Variants in ADGRB3 observed in about 807,000 individuals in gnomAD.
ADGRB3 encodes adhesion G protein-coupled receptor B3.
A neutral mutation model predicts 193.4 loss-of-function variants in ADGRB3; 37 were observed. That is an observed-to-expected ratio of 0.19 (90% CI 0.15 to 0.25). The LOEUF is 0.25. Among genes scored for constraint, ADGRB3 ranks in the 10% least tolerant of loss-of-function variants. ADGRB3 has a pLI of 1.00. For synonymous variants in ADGRB3, 690 were observed against 644.2 expected, an observed-to-expected ratio of 1.07 and a Z score of -1.08; for missense variants, 1,637 against 1,852.9, an observed-to-expected ratio of 0.88 and a Z score of 2.14.
chr6:69,088,546 G>A (rs909192187), intron 17 of ADGRB3, among the ~76,000 whole-genome samples: 1 of 152,010 alleles, frequency 6.6e-6, no homozygotes, highest in Non-Finnish European at 1.5e-5. Flanking sequence ...CTAATTTTTT[G>A]TATTATTAGT....
chr6:69,366,171 A>G (rs1769563087), intron 29 of ADGRB3, among the ~76,000 whole-genome samples: 1 of 151,940 alleles, frequency 6.6e-6, no homozygotes, highest in Non-Finnish European at 1.5e-5. Flanking sequence ...TGAAAGGAAA[A>G]CTTGCCCTTT....
At chr6:69,380,032 G>A (rs1769915000) in intron 30 of ADGRB3, among the ~76,000 whole-genome samples, 1 of 151,856 alleles carries the variant, frequency 6.6e-6, no homozygotes, top group Non-Finnish European at 1.5e-5. Flanking sequence ...ATACTTTTTA[G>A]ACTTTCATAG....
chr6:69,378,323 T>G (rs1175965693), intron 30 of ADGRB3, among the ~76,000 whole-genome samples: 1 of 152,010 alleles, frequency 6.6e-6, no homozygotes, highest in Non-Finnish European at 1.5e-5. Flanking sequence ...CAAACCTGAA[T>G]AGTCTAAAGA....
chr6:68,902,112 A>C (rs1310160083), intron 3 of ADGRB3, among the ~76,000 whole-genome samples: 1 of 152,118 alleles, frequency 6.6e-6, no homozygotes, highest in African/African-American at 2.4e-5. Context: ...TGGTGTATAG[A>C]ATGCACAATT....
At chr6:69,175,363 C>T (rs1388368079) in intron 17 of ADGRB3, among the ~76,000 whole-genome samples, 1 of 151,974 alleles carries the variant, frequency 6.6e-6, no homozygotes, top group African/African-American at 2.4e-5. Flanking sequence ...ATATGGCTAA[C>T]CAGCCATCCC....
At chr6:69,115,929 A>G (rs904759369) in intron 17 of ADGRB3, among the ~76,000 whole-genome samples, 13 of 152,218 alleles carry the variant, frequency 8.5e-5, no homozygotes, top group Non-Finnish European at 2.9e-5. Flanking sequence ...CTAGAGAGAG[A>G]GGGAAAGACA....
intron 3 of ADGRB3, among the ~76,000 whole-genome samples, chr6:68,761,408 A>G (rs1184108182): frequency 6.6e-6 from 1 of 151,510 alleles, no homozygotes; most frequent in Non-Finnish European, 1.5e-5. Context: ...GTGACTAGTT[A>G]ATTCCATGGT....
chr6:69,288,539 T>C (rs1582606971), intron 20 of ADGRB3, among the ~76,000 whole-genome samples: 1 of 152,178 alleles, frequency 6.6e-6, no homozygotes, highest in South Asian at 2.1e-4. Context: ...GTCCTTCAAG[T>C]TTATTGCTTA....
chr6:69,080,017 C>A (rs184454663), intron 17 of ADGRB3, among the ~76,000 whole-genome samples: 12 of 152,144 alleles, frequency 7.9e-5, no homozygotes, highest in Admixed American at 7.2e-4. Flanking sequence ...CTGACACTGG[C>A]TTGTTTTCTC....
chr6:69,095,863 A>G (rs987989139), intron 17 of ADGRB3, among the ~76,000 whole-genome samples: 2 of 152,240 alleles, frequency 1.3e-5, no homozygotes, highest in African/African-American at 4.8e-5. Flanking sequence ...TGTATTGCAT[A>G]TGAAATTTCT....
intron 3 of ADGRB3, among the ~76,000 whole-genome samples, chr6:68,834,094 A>T (rs2127384932): frequency 6.9e-6 from 1 of 145,594 alleles, no homozygotes; most frequent in East Asian, 1.9e-4. Flanking sequence ...TTTATAAATC[A>T]ACATAATTGT....
chr6:69,062,403 C>T (rs1054762725), intron 15 of ADGRB3, among the ~76,000 whole-genome samples: 1 of 151,654 alleles, frequency 6.6e-6, no homozygotes, highest in Non-Finnish European at 1.5e-5. Context: ...TCTCTATTGT[C>T]GAAATAAATT....
chr6:68,957,476 G>GA lies in ADGRB3; in HGVS notation c.1525+672dup, dbSNP rs1370863749. On this transcript the variant is annotated intron_variant, in intron 8 of 31. Transcript: ENST00000370598. ...TCAGGATTTTAGAATGAGATCCTAA[G>GA]AAAAATATTATAAGTATACTAAAGA... Among the ~76,000 whole-genome samples, 3 of 152,132 alleles carry GA rather than the reference G, an allele frequency of 2.0e-5. No individual in the cohort carries two copies. The East Asian group carries it at 5.8e-4, about 29-fold the overall frequency.
At chr6:68,957,421 C>T (rs974727079) in intron 8 of ADGRB3, among the ~76,000 whole-genome samples, 1 of 152,148 alleles carries the variant, frequency 6.6e-6, no homozygotes, top group Non-Finnish European at 1.5e-5. Flanking sequence ...ATATTATTGA[C>T]ACACTGAGGA....
chr6:68,864,660 A>G (rs529197100), intron 3 of ADGRB3, among the ~76,000 whole-genome samples: 1 of 152,306 alleles, frequency 6.6e-6, no homozygotes, highest in East Asian at 1.9e-4. Flanking sequence ...CTGCTAATTG[A>G]TACTAATTAC....
At chr6:69,086,444 C>G (rs1011669138) in intron 17 of ADGRB3, among the ~76,000 whole-genome samples, 7 of 152,060 alleles carry the variant, frequency 4.6e-5, no homozygotes, top group Non-Finnish European at 1.0e-4. Flanking sequence ...AGCAGTAGTC[C>G]GAAATGTGAT....
chr6:69,247,361 G>C (rs555808205), intron 20 of ADGRB3, among the ~76,000 whole-genome samples: 2 of 152,292 alleles, frequency 1.3e-5, no homozygotes, highest in Admixed American at 1.3e-4. Context: ...CCTCCAGACT[G>C]ATATAGCCTC....
chr6:69,125,407 A>C (rs1169576963), intron 17 of ADGRB3, among the ~76,000 whole-genome samples: 2 of 152,108 alleles, frequency 1.3e-5, no homozygotes, highest in African/African-American at 4.8e-5. Flanking sequence ...TCAAGCTGAG[A>C]GTATGAGGAG....
chr6:68,976,148 T>C (rs1194633303), intron 10 of ADGRB3, among the ~76,000 whole-genome samples: 1 of 152,240 alleles, frequency 6.6e-6, no homozygotes, highest in African/African-American at 2.4e-5. Context: ...TATTTTCTTT[T>C]ACTGTTCTTA....
Sources: gnomAD v4.1 joint callset for allele counts (sites outside exome capture counted in the v4.1 genomes callset) on GRCh38, gnomAD v4.1.1 for gene constraint, MANE v1.5 for transcripts, NCBI Gene and HGNC (gene_info 2026-07-23, HGNC 2026-07-21) for gene names.